The following CACNA1E variants were observed in gnomAD, a reference collection of about 807,000 sequenced individuals.
CACNA1E encodes voltage-dependent R-type calcium channel subunit alpha-1E.
CACNA1E carries 40 observed loss-of-function variants against 259.2 expected under a neutral mutation model. The observed-to-expected ratio is 0.15, with a 90% CI of 0.12 to 0.20. CACNA1E has a LOEUF of 0.20. Ranked by LOEUF, CACNA1E falls within the 10% of genes least tolerant of loss-of-function variation. CACNA1E has a pLI of 1.00. For missense variants in CACNA1E, 1,874 were observed against 3,040.1 expected (o/e 0.62, Z 9.02); for synonymous variants, 1,104 against 1,138.5 (o/e 0.97, Z 0.61).
chr1:181,379,915 G>A (rs1371721050), intron 1 of CACNA1E, among the ~76,000 whole-genome samples: 1 of 150,602 alleles, frequency 6.6e-6, no homozygotes, highest in Admixed American at 6.6e-5. Flanking sequence ...AATGCAAATG[G>A]GAAGTCAGTG....
At position 181,736,449 on chromosome 1, in the gene CACNA1E, C is replaced by T. The variant is rs548579889; in HGVS notation, c.3422+15C>T. 4.0e-5 allele frequency: 64 copies of T among 1,607,524 alleles called. No individual in the cohort carries two copies. Among genetic ancestry groups the T allele is most frequent in the South Asian group, 3.5e-4 (31 of 89,430 alleles). On this transcript the variant is annotated intron_variant, in intron 22 of 47. Transcript: ENST00000367573. ...ACCACCAACCCGTAAGCCACCCTCG[C>T]GTTGCTCCCTCTTTAGTGCTAGGGT...
chr1:181,352,909 G>GA (rs5779093), intron 1 of CACNA1E, among the ~76,000 whole-genome samples: 60,838 of 151,888 alleles, frequency 0.4, 14,527 homozygotes, highest in African/African-American at 0.67. Flanking sequence ...GAGAGGAGCA[G>GA]TGGGCCGGCT....
rs575375983 is a variant in CACNA1E, at chr1:181,556,483, C to G, written c.513-21283C>G. ...GCTGAAAGGGACTCAGAGAGGGGCC[C>G]CTGTGGGAGGGGGAGGCAGAGGGTG... On this transcript the variant is annotated intron_variant, in intron 3 of 47. Transcript: ENST00000367573. 1.9e-4 allele frequency among the ~76,000 whole-genome samples: 29 copies of G among 152,276 alleles called. No individual in the cohort carries two copies. The South Asian group carries it at 5.2e-3, about 27-fold the overall frequency.
At chr1:181,373,292 A>T (rs1571696556) in intron 1 of CACNA1E, among the ~76,000 whole-genome samples, 1 of 151,850 alleles carries the variant, frequency 6.6e-6, no homozygotes, top group South Asian at 2.1e-4. Flanking sequence ...GTAGGTTTTT[A>T]TTACTGATTT....
intron 3 of CACNA1E, among the ~76,000 whole-genome samples, chr1:181,527,677 A>C (rs1667463621): frequency 6.6e-6 from 1 of 152,158 alleles, no homozygotes; most frequent in Non-Finnish European, 1.5e-5. Context: ...TTCTGGTTTT[A>C]AATGTACCTT....
At chr1:181,558,306 G>A (rs1302842347) in intron 3 of CACNA1E, among the ~76,000 whole-genome samples, 1 of 152,170 alleles carries the variant, frequency 6.6e-6, no homozygotes, top group Non-Finnish European at 1.5e-5. Flanking sequence ...CCAACTTGAA[G>A]TTTATCAGTT....
intron 1 of CACNA1E, among the ~76,000 whole-genome samples, chr1:181,347,511 A>G (rs529253862): frequency 3.2e-4 from 48 of 152,302 alleles, no homozygotes; most frequent in African/African-American, 1.2e-3. Flanking sequence ...CCCAAAGAGC[A>G]TCAGGGCCCC....
At chr1:181,766,521 C>A in intron 34 of CACNA1E, 25 bp from the exon 35 acceptor site, 1 of 1,579,288 alleles carries the variant, frequency 6.3e-7, no homozygotes, top group Non-Finnish European at 8.7e-7. Context: ...CTTTGATTAA[C>A]GTCTTATCTC....
At chr1:181,572,258 A>G (rs913123495) in intron 3 of CACNA1E, among the ~76,000 whole-genome samples, 3 of 152,118 alleles carry the variant, frequency 2.0e-5, no homozygotes, top group Admixed American at 2.0e-4. Flanking sequence ...ACTTGGGGAG[A>G]GATGATTTGG....
intron 1 of CACNA1E, among the ~76,000 whole-genome samples, chr1:181,342,766 A>G (rs1286454119): frequency 6.6e-6 from 1 of 152,154 alleles, no homozygotes; most frequent in Non-Finnish European, 1.5e-5. Context: ...GAGAAAGAGG[A>G]CCACTGATAG....
intron 2 of CACNA1E, among the ~76,000 whole-genome samples, chr1:181,426,847 A>G (rs1351039260): frequency 7.3e-6 from 1 of 137,616 alleles, no homozygotes; most frequent in East Asian, 2.2e-4. Context: ...ACCCCTTCAC[A>G]TGTCAACCCC....
chr1:181,421,761 C>G (rs2102193961), intron 2 of CACNA1E, among the ~76,000 whole-genome samples: 1 of 152,328 alleles, frequency 6.6e-6, no homozygotes, highest in South Asian at 2.1e-4. Context: ...TATCCCAAGT[C>G]CAAACACTTC....
At chr1:181,630,397 G>A (rs890221632) in intron 6 of CACNA1E, among the ~76,000 whole-genome samples, 6 of 133,936 alleles carry the variant, frequency 4.5e-5, no homozygotes, top group African/African-American at 1.2e-4. Flanking sequence ...CCCCCACCCC[G>A]CCTTAAAACC....
At chr1:181,639,003 T>C (rs1657494057) in intron 6 of CACNA1E, among the ~76,000 whole-genome samples, 1 of 152,204 alleles carries the variant, frequency 6.6e-6, no homozygotes, top group African/African-American at 2.4e-5. Context: ...ACATGTACAA[T>C]TGCAATAGCA....
At chr1:181,401,636 T>C (rs3894264) in intron 1 of CACNA1E, among the ~76,000 whole-genome samples, 59,051 of 152,072 alleles carry the variant, frequency 0.39, 11,791 homozygotes, top group Admixed American at 0.47. Context: ...AGTTTATATT[T>C]ATAATTCCTA....
chr1:181,560,687 A>T (rs1649236311), intron 3 of CACNA1E, among the ~76,000 whole-genome samples: 2 of 152,230 alleles, frequency 1.3e-5, no homozygotes. Flanking sequence ...TATAAACCAA[A>T]TTGAACCATA....
chr1:181,443,502 A>G (rs1218396341), intron 2 of CACNA1E, among the ~76,000 whole-genome samples: 2 of 152,214 alleles, frequency 1.3e-5, no homozygotes, highest in African/African-American at 2.4e-5. Context: ...GAGGCCTGGT[A>G]TTCTAAAACA....
intron 1 of CACNA1E, among the ~76,000 whole-genome samples, chr1:181,340,313 A>C (rs999338949): frequency 3.3e-5 from 5 of 152,070 alleles, no homozygotes; most frequent in Non-Finnish European, 7.4e-5. Flanking sequence ...TTGTTTATTC[A>C]TATGCCAGAA....
At chr1:181,562,854 A>G (rs1372170484) in intron 3 of CACNA1E, among the ~76,000 whole-genome samples, 1 of 152,198 alleles carries the variant, frequency 6.6e-6, no homozygotes, top group Non-Finnish European at 1.5e-5. Context: ...ATGTGTTCAC[A>G]ATGAAAGTAC....
Sources: allele counts gnomAD v4.1 joint callset (sites outside exome capture counted in the v4.1 genomes callset), GRCh38; gene constraint gnomAD v4.1.1; transcripts MANE v1.5; gene names NCBI Gene and HGNC (gene_info 2026-07-23, HGNC 2026-07-21).